The following FAM124B variants were observed in gnomAD, a reference collection of about 807,000 sequenced individuals.
FAM124B encodes protein FAM124B.
In FAM124B, 18 loss-of-function variants were observed where a neutral mutation model predicts 19.7. That is an observed-to-expected ratio of 0.92 (90% confidence interval 0.63 to 1.36). FAM124B has a LOEUF of 1.36. Among genes scored for constraint, FAM124B ranks in the 40% most tolerant of loss-of-function variants. The pLI is 0.00. For synonymous variants in FAM124B, 223 were observed against 225.2 expected, an observed-to-expected ratio of 0.99 and a Z score of 0.09; for missense variants, 540 against 553.3, an observed-to-expected ratio of 0.98 and a Z score of 0.24.
At position 224,380,165 on chromosome 2, in the gene FAM124B, C is replaced by T. The variant is rs1039012406; in HGVS notation, c.776G>A (p.Gly259Glu). Residue 259 changes from glycine (G) to glutamate (E), a missense_variant, in exon 2 of 2, where the codon GGA (glycine) becomes GAA (glutamate). Gly to Glu is a moderately conservative substitution (Grantham distance 98, BLOSUM62 -2). Transcript: ENST00000409685. Reference protein sequence around the residue: ...PELGVKNGILGAGMLPLGSRL... With the variant: ...PELGVKNGILEAGMLPLGSRL... Reference sequence around the variant, plus strand: ...GGAGCCCAGGGGAAGCATGCCAGCTCCCAAGATGCCATTCTTAACACCAAG... The same window carrying T: ...GGAGCCCAGGGGAAGCATGCCAGCTTCCAAGATGCCATTCTTAACACCAAG... 3.2e-5 allele frequency: 50 copies of T among 1,550,778 alleles called. No homozygotes were observed. The highest frequency in any genetic ancestry group is 3.8e-5 in the Non-Finnish European group (44 of 1,146,454).
At chr2:224,394,611 G>T (rs1175550027) in intron 1 of FAM124B, among the ~76,000 whole-genome samples, 3 of 152,094 alleles carry the variant, frequency 2.0e-5, no homozygotes, top group Non-Finnish European at 4.4e-5. Flanking sequence ...TTATAGGTAT[G>T]AGCATGTCTG....
intron 1 of FAM124B, among the ~76,000 whole-genome samples, chr2:224,397,784 G>A (rs185879538): frequency 1.3e-5 from 2 of 152,180 alleles, no homozygotes; most frequent in East Asian, 3.8e-4. Flanking sequence ...GAACTTGAGG[G>A]AGATGATTTA....
chr2:224,379,946 A>T lies in FAM124B; in HGVS notation c.995T>A (p.Leu332Gln). 1 of 1,551,816 alleles carries T rather than the reference A, an allele frequency of 6.4e-7. No individual in the cohort carries two copies. Among genetic ancestry groups the T allele is most frequent in the Non-Finnish European group, 8.7e-7 (1 of 1,147,020 alleles). Reference protein sequence around the residue: ...QVSSPAMGAHLHLSSHHLESG... With the variant: ...QVSSPAMGAHQHLSSHHLESG... ...TTCAAGGTGATGAGAAGACAGGTGC[A>T]GGTGGGCACCCATAGCTGGGCTGCT... The change falls in exon 2 of 2, where the codon CTG (leucine) becomes CAG (glutamine). Residue 332 changes from leucine (L) to glutamine (Q), a missense_variant. Leu to Gln is a moderately radical substitution (Grantham distance 113). Transcript: ENST00000409685.
chr2:224,397,960 G>A (rs1398703427), intron 1 of FAM124B, among the ~76,000 whole-genome samples: 2 of 152,150 alleles, frequency 1.3e-5, no homozygotes, highest in Non-Finnish European at 2.9e-5. Context: ...CTCTTTGTCT[G>A]CCGCCATCCA....
intron 1 of FAM124B, among the ~76,000 whole-genome samples, chr2:224,398,256 C>T (rs1385464617): frequency 6.6e-6 from 1 of 152,082 alleles, no homozygotes; most frequent in Non-Finnish European, 1.5e-5. Flanking sequence ...CACCATCATG[C>T]CCAGCTAGTT....
At chr2:224,399,002 G>A (rs1690020130) in intron 1 of FAM124B, among the ~76,000 whole-genome samples, 1 of 152,184 alleles carries the variant, frequency 6.6e-6, no homozygotes, top group African/African-American at 2.4e-5. Flanking sequence ...AGGGGCTGAT[G>A]CCCCATTCAC....
chr2:224,401,735 C>A lies in FAM124B; in HGVS notation c.34G>T (p.Val12Phe). ...TGCCCAGAGTTGGCAAGAAGATGGA[C>A]AGTCATGGCCAGAGGCCCCTGTGTC... ...DETQGPLAMT[V>F]HLLANSGHGS... Residue 12 changes from valine (V) to phenylalanine (F), a missense_variant, in exon 1 of 2, where the codon GTC (valine) becomes TTC (phenylalanine). Transcript: ENST00000409685. 5.0e-6 allele frequency: 8 copies of A among 1,613,778 alleles called. No homozygotes were observed. Among genetic ancestry groups the A allele is most frequent in the Non-Finnish European group, 6.8e-6 (8 of 1,179,918 alleles).
chr2:224,394,940 A>C (rs150306509), intron 1 of FAM124B, among the ~76,000 whole-genome samples: 325 of 152,292 alleles, frequency 2.1e-3, no homozygotes, highest in African/African-American at 7.4e-3. Context: ...GCAGTGTGAT[A>C]CCACACAGAA....
chr2:224,385,450 C>G (rs539197629), intron 1 of FAM124B, among the ~76,000 whole-genome samples: 1 of 152,318 alleles, frequency 6.6e-6, no homozygotes, highest in African/African-American at 2.4e-5. Context: ...TTCTTCAGAG[C>G]TGGCCTGGGT....
rs201987132 is a variant in FAM124B at position 224,401,133 on chromosome 2, G to C, written c.636C>G (p.Ile212Met). 1.2e-6 allele frequency: 2 copies of C among 1,614,172 alleles called. No homozygotes were observed. ...SSVLQFKVQEIGQLVPLLPNP... is the reference protein window; with the variant it reads ...SSVLQFKVQEMGQLVPLLPNP... ...TGGGTAGCAGAGGCACTAACTGGCC[G>C]ATCTCTTGAACCTTAAACTGCAGCA... Residue 212 changes from isoleucine (I) to methionine (M), a missense_variant, in exon 1 of 2, where the codon ATC becomes ATG. By Grantham distance (10) the Ile-to-Met change is conservative. Coordinates refer to ENST00000409685, the MANE Select transcript of FAM124B (RefSeq NM_001122779.2).
chr2:224,402,057 C>A lies in FAM124B; in HGVS notation c.-289G>T. 5.5e-6 allele frequency: 2 copies of A among 362,642 alleles called. No individual in the cohort carries two copies. The highest frequency in any genetic ancestry group is 4.5e-5 in the East Asian group (1 of 22,122). The allele number at this position is 362,642 out of a possible 1,614,324, so 22.5% of individuals were successfully genotyped here. On this transcript the variant is annotated 5_prime_UTR_variant, in exon 1 of 2. In the 5' UTR this introduces an upstream ATG that the reference lacks. Transcript: ENST00000409685. ...CATAATGTAACTGCTTGTGTTTAGC[C>A]TTTTCAGGCGTTCCCCAGGGTTTCT...
intron 1 of FAM124B, among the ~76,000 whole-genome samples, chr2:224,397,309 C>G (rs1689989406): frequency 6.6e-6 from 1 of 152,184 alleles, no homozygotes; most frequent in Non-Finnish European, 1.5e-5. Context: ...TAAGATGTGA[C>G]TTGCTCCTCT....
chr2:224,401,643 A>T lies in FAM124B; in HGVS notation c.126T>A (p.Phe42Leu). Residue 42 changes from phenylalanine to leucine, a missense_variant, in exon 1 of 2, where the codon TTT becomes TTA. Coordinates refer to ENST00000409685, the MANE Select transcript of FAM124B (RefSeq NM_001122779.2). The stretch of plus-strand genomic sequence containing the variant: ...CAGGACTGGCCCGTTCAGACACCTG[A>T]AAGAGCCGGACCTCTGGGCAAATGC... ...LDCICPEVRL[F>L]QVSERASPVK... 1 of 1,614,196 alleles carries T rather than the reference A, an allele frequency of 6.2e-7. No individual in the cohort carries two copies. Among genetic ancestry groups the T allele is most frequent in the Non-Finnish European group, 8.5e-7 (1 of 1,180,034 alleles).
At chr2:224,396,218 C>A (rs1210120845) in intron 1 of FAM124B, among the ~76,000 whole-genome samples, 3 of 152,172 alleles carry the variant, frequency 2.0e-5, no homozygotes, top group African/African-American at 2.4e-5. Flanking sequence ...CTGACTCCCC[C>A]TCCCTTCACT....
chr2:224,385,630 C>A (rs1298991780), intron 1 of FAM124B, among the ~76,000 whole-genome samples: 1 of 152,196 alleles, frequency 6.6e-6, no homozygotes, highest in East Asian at 1.9e-4. Flanking sequence ...TGCCTTCTAG[C>A]CACCAATCCC....
At chr2:224,398,250 A>G (rs926005916) in intron 1 of FAM124B, among the ~76,000 whole-genome samples, 1 of 152,040 alleles carries the variant, frequency 6.6e-6, no homozygotes, top group Non-Finnish European at 1.5e-5. Context: ...GGTGCACACC[A>G]TCATGCCCAG....
At chr2:224,400,860 C>T (rs886206847) in intron 1 of FAM124B, among the ~76,000 whole-genome samples, 177 bp downstream of exon 1, 2 of 152,132 alleles carry the variant, frequency 1.3e-5, no homozygotes, top group African/African-American at 4.8e-5. Flanking sequence ...AAAAAGTTAC[C>T]TAGGCCTGGA....
intron 1 of FAM124B, among the ~76,000 whole-genome samples, chr2:224,393,994 G>T (rs1207448546): frequency 6.6e-6 from 1 of 152,180 alleles, no homozygotes; most frequent in Non-Finnish European, 1.5e-5. Flanking sequence ...CCAGTGAGGA[G>T]ACCAGGACAG....
intron 1 of FAM124B, among the ~76,000 whole-genome samples, chr2:224,382,900 A>G (rs1255207956): frequency 1.3e-5 from 2 of 152,086 alleles, no homozygotes; most frequent in East Asian, 1.9e-4. Context: ...GAGCCAAGCC[A>G]GTTCATTAGA....
Sources: gnomAD v4.1 joint callset for allele counts (sites outside exome capture counted in the v4.1 genomes callset) on GRCh38, gnomAD v4.1.1 for gene constraint, MANE v1.5 for transcripts, NCBI Gene and HGNC (gene_info 2026-07-23, HGNC 2026-07-21) for gene names.